The following SLC8A1 variants were observed in gnomAD, a reference collection of about 807,000 sequenced individuals.
The protein encoded by SLC8A1 is solute carrier family 8 member A1.
In SLC8A1, 18 loss-of-function variants were observed where a neutral mutation model predicts 68.3. The observed-to-expected ratio is 0.26, with a 90% CI of 0.18 to 0.39. SLC8A1 has a LOEUF of 0.39. Ranked by LOEUF, SLC8A1 falls within the 10% of genes least tolerant of loss-of-function variation. The pLI is 1.00. For missense variants in SLC8A1, 985 were observed against 1,156.7 expected, an observed-to-expected ratio of 0.85 and a Z score of 2.15; for synonymous variants, 475 against 415.5, an observed-to-expected ratio of 1.14 and a Z score of -1.74.
At chr2:40,253,123 A>ATACGTATATATG (rs2063209106) in intron 2 of SLC8A1, among the ~76,000 whole-genome samples, 2 of 110,000 alleles carry the variant, frequency 1.8e-5, no homozygotes, top group Admixed American at 2.1e-4. Context: ...GTATACATAT[A>ATACGTATATATG]TACACGTATA....
intron 6 of SLC8A1, among the ~76,000 whole-genome samples, chr2:40,157,447 T>C (rs1305679843): frequency 6.6e-6 from 1 of 152,162 alleles, no homozygotes; most frequent in Non-Finnish European, 1.5e-5. Context: ...AATCATTCTC[T>C]CCTTTGCCTC....
At chr2:40,259,403 A>G (rs184838098) in intron 2 of SLC8A1, among the ~76,000 whole-genome samples, 91 of 152,206 alleles carry the variant, frequency 6.0e-4, no homozygotes, top group Non-Finnish European at 1.5e-4. Flanking sequence ...TGAAAAGGTA[A>G]TATCTTTTAA....
At chr2:40,163,752 G>GA (rs34116121) in intron 5 of SLC8A1, among the ~76,000 whole-genome samples, 1 of 152,118 alleles carries the variant, frequency 6.6e-6, no homozygotes, top group Non-Finnish European at 1.5e-5. Flanking sequence ...TGGCCTAAAG[G>GA]AAAAAGATTA....
At chr2:40,176,471 C>A (rs57957091) in intron 3 of SLC8A1, among the ~76,000 whole-genome samples, 8,008 of 152,130 alleles carry the variant, frequency 0.053, 528 homozygotes, top group African/African-American at 0.15. Context: ...AAGAAATCAG[C>A]ATAATTTTCT....
chr2:40,396,748 T>TAAAAAAAAAAAAAAAAAAAAAAAAA (rs368483768), intron 2 of SLC8A1, among the ~76,000 whole-genome samples: 8 of 87,088 alleles, frequency 9.2e-5, no homozygotes, highest in African/African-American at 2.5e-4. Flanking sequence ...CTCTAATAAC[T>TAAAAAAAAAAAAAAAAAAAAAAAAA]AAAAAAAAAA....
At chr2:40,245,737 T>A (rs376865393) in intron 2 of SLC8A1, among the ~76,000 whole-genome samples, 12 of 152,280 alleles carry the variant, frequency 7.9e-5, no homozygotes, top group African/African-American at 2.9e-4. Flanking sequence ...TCCTGTGATG[T>A]ATATTGTGAA....
chr2:40,479,096 G>A (rs898872629), intron 1 of SLC8A1, among the ~76,000 whole-genome samples: 2 of 152,084 alleles, frequency 1.3e-5, no homozygotes, highest in South Asian at 2.1e-4. Context: ...TTAAACTTCA[G>A]GAGAACGTAT....
intron 2 of SLC8A1, among the ~76,000 whole-genome samples, chr2:40,426,505 A>G (rs1042290796): frequency 6.6e-6 from 1 of 152,040 alleles, no homozygotes; most frequent in Non-Finnish European, 1.5e-5. Context: ...CTTTTTAAAA[A>G]TCCTTTTCCT....
chr2:40,330,491 G>A (rs1483530021), intron 2 of SLC8A1, among the ~76,000 whole-genome samples: 1 of 152,094 alleles, frequency 6.6e-6, no homozygotes, highest in East Asian at 1.9e-4. Flanking sequence ...GTAGAAAACT[G>A]GAAATACAAG....
chr2:40,468,110 C>G (rs1014334156), intron 1 of SLC8A1, among the ~76,000 whole-genome samples: 2 of 151,908 alleles, frequency 1.3e-5, no homozygotes, highest in Admixed American at 6.6e-5. Context: ...ACATAATATA[C>G]CCATTTATTT....
chr2:40,323,153 C>A (rs192794923), intron 2 of SLC8A1, among the ~76,000 whole-genome samples: 15 of 152,170 alleles, frequency 9.9e-5, no homozygotes, highest in Non-Finnish European at 1.9e-4. Context: ...CTTTTGTTCT[C>A]GAGCTTCCAG....
At chr2:40,101,364 TTAAGTA>T (rs1184268075) in exon 8 of SLC8A1, 2 of 152,154 alleles carry the variant, frequency 1.3e-5, no homozygotes, top group African/African-American at 4.8e-5. Context: ...GACTGTGTCA[TTAAGTA>T]TAATTTAGTA....
At chr2:40,450,159 A>T (rs1218023075) in intron 1 of SLC8A1, among the ~76,000 whole-genome samples, 1 of 152,172 alleles carries the variant, frequency 6.6e-6, no homozygotes, top group Admixed American at 6.5e-5. Flanking sequence ...CTAACCTCCC[A>T]ATTAAGCAAG....
At chr2:40,099,964 G>A (rs901769102) in exon 8 of SLC8A1, 1 of 152,072 alleles carries the variant, frequency 6.6e-6, no homozygotes, top group African/African-American at 2.4e-5. Context: ...TGTCCAGGAA[G>A]TTACCAATGT....
At chr2:40,127,933 A>G (rs1188587118) in intron 7 of SLC8A1, among the ~76,000 whole-genome samples, 1 of 152,250 alleles carries the variant, frequency 6.6e-6, no homozygotes, top group Non-Finnish European at 1.5e-5. Context: ...GTGTTTTTAG[A>G]TCATGTGCTA....
At chr2:40,195,106 T>G (rs2052697280) in intron 2 of SLC8A1, among the ~76,000 whole-genome samples, 1 of 152,122 alleles carries the variant, frequency 6.6e-6, no homozygotes, top group Admixed American at 6.6e-5. Flanking sequence ...ACAAGAAGAA[T>G]GTGCCTTCAT....
chr2:40,175,514 G>GTA (rs1261189351), intron 3 of SLC8A1, among the ~76,000 whole-genome samples: 2 of 151,980 alleles, frequency 1.3e-5, no homozygotes, highest in African/African-American at 4.8e-5. Context: ...ATATGTGTGT[G>GTA]TGTGTGTGTA....
chr2:40,434,851 G>C (rs1024432421), intron 1 of SLC8A1, among the ~76,000 whole-genome samples: 1 of 152,122 alleles, frequency 6.6e-6, no homozygotes, highest in African/African-American at 2.4e-5. Flanking sequence ...GAGTAGTCCA[G>C]CCAGTTGTGT....
At chr2:40,409,040 G>C (rs6726855) in intron 2 of SLC8A1, among the ~76,000 whole-genome samples, 2 of 151,952 alleles carry the variant, frequency 1.3e-5, no homozygotes, top group Admixed American at 1.3e-4. Context: ...TGTAAATATT[G>C]TTTTTGACAT....
Sources: gnomAD v4.1 joint callset for allele counts (sites outside exome capture counted in the v4.1 genomes callset) on GRCh38, gnomAD v4.1.1 for gene constraint, MANE v1.5 for transcripts, NCBI Gene and HGNC (gene_info 2026-07-23, HGNC 2026-07-21) for gene names.